MMP28: variants seen among roughly 807,000 people sequenced by gnomAD.
MMP28 encodes the protein matrix metalloproteinase-28.
Under a neutral mutation model 60.5 loss-of-function variants are expected in MMP28, and 55 were observed. The ratio of observed to expected loss-of-function variants is 0.91; its 90% confidence interval spans 0.73 to 1.14. The LOEUF is 1.14. Ranked by LOEUF, MMP28 falls within the 50% of genes most tolerant of loss-of-function variation. MMP28 has a pLI of 0.00. For missense variants in MMP28, 686 were observed against 738.3 expected, an observed-to-expected ratio of 0.93 and a Z score of 0.82; for synonymous variants, 318 against 312.5, an observed-to-expected ratio of 1.02 and a Z score of -0.18.
At position 35,794,727 on chromosome 17, in the gene MMP28, C is replaced by T. The variant is rs115952667; in HGVS notation, c.111+540G>A. ...AGTCCTGAAGCCCCGTTTAAAGCTC[C>T]TTAGAAGCAACTCTTGAGAGTATAC... On this transcript the variant is annotated intron_variant, in intron 1 of 7. Coordinates refer to ENST00000605424, the MANE Select transcript of MMP28 (RefSeq NM_024302.5). 3.6e-3 allele frequency among the ~76,000 whole-genome samples: 552 copies of T among 152,290 alleles called. 5 individuals carry two copies. Among genetic ancestry groups the T allele is most frequent in the African/African-American group, 0.012 (502 of 41,558 alleles).
intron 2 of MMP28, among the ~76,000 whole-genome samples, chr17:35,760,502 G>A (rs587670041): frequency 3.3e-5 from 5 of 152,314 alleles, no homozygotes; most frequent in African/African-American, 1.2e-4. Context: ...GAGGAAGACA[G>A]AATATAATGA....
downstream of MMP28, among the ~76,000 whole-genome samples, chr17:35,765,552 G>C (rs545144355): frequency 2.6e-5 from 4 of 152,352 alleles, no homozygotes; most frequent in East Asian, 7.7e-4. Context: ...CACTGTGAGA[G>C]CACAAGGCCA....
intron 1 of MMP28, among the ~76,000 whole-genome samples, chr17:35,788,684 T>C (rs1028906071): frequency 6.6e-6 from 1 of 152,108 alleles, no homozygotes; most frequent in South Asian, 2.1e-4. Context: ...GAAGCTCCAG[T>C]GTCTCCCTGG....
At chr17:35,779,424 G>C in intron 1 of MMP28, 101 bp from the exon 2 acceptor site, 1 of 967,864 alleles carries the variant, frequency 1.0e-6, no homozygotes, top group Non-Finnish European at 1.6e-6. Context: ...CTCACCTCTT[G>C]TCTTTTGCCC....
intron 1 of MMP28, among the ~76,000 whole-genome samples, chr17:35,785,052 C>A (rs2086609309): frequency 6.6e-6 from 1 of 152,168 alleles, no homozygotes; most frequent in Non-Finnish European, 1.5e-5. Context: ...CCTGGGGAGT[C>A]ACTTCTGAAA....
intron 3 of MMP28, among the ~76,000 whole-genome samples, chr17:35,775,389 C>T (rs926113777): frequency 2.0e-5 from 3 of 152,156 alleles, no homozygotes; most frequent in Non-Finnish European, 4.4e-5. Flanking sequence ...TTTGTGGTGA[C>T]CCCCAGGCCC....
intron 5 of MMP28, among the ~76,000 whole-genome samples, 157 bp from the exon 6 acceptor site, chr17:35,768,536 G>T (rs2086018024): frequency 6.6e-6 from 1 of 152,320 alleles, no homozygotes; most frequent in African/African-American, 2.4e-5. Flanking sequence ...CCTGGGCCAG[G>T]AATGGTGGTT....
At chr17:35,787,233 T>G (rs2086677500) in intron 1 of MMP28, among the ~76,000 whole-genome samples, 1 of 152,162 alleles carries the variant, frequency 6.6e-6, no homozygotes, top group South Asian at 2.1e-4. Context: ...GATCCTGTTT[T>G]CCATCACAGC....
chr17:35,767,399 C>A (rs2143173380), intron 7 of MMP28, among the ~76,000 whole-genome samples: 1 of 152,292 alleles, frequency 6.6e-6, no homozygotes, highest in South Asian at 2.1e-4. Context: ...TTGTTTTCCC[C>A]ATTCGAGAAA....
intron 2 of MMP28, among the ~76,000 whole-genome samples, chr17:35,759,150 T>C (rs2085773367): frequency 6.6e-6 from 1 of 152,220 alleles, no homozygotes; most frequent in African/African-American, 2.4e-5. Context: ...CTTTTGGTCA[T>C]TCTGTGAGGT....
intron 3 of MMP28, chr17:35,778,448 T>C (rs886312908): frequency 9.2e-6 from 2 of 218,060 alleles, no homozygotes; most frequent in Non-Finnish European, 1.8e-5. Context: ...GTAAATTGTA[T>C]GGGATGTGAA....
intron 1 of MMP28, among the ~76,000 whole-genome samples, chr17:35,784,925 C>T (rs1273868842): frequency 6.6e-6 from 1 of 152,186 alleles, no homozygotes; most frequent in Non-Finnish European, 1.5e-5. Context: ...GAGCCCAAGG[C>T]TTGAGCTGAA....
At chr17:35,775,089 G>A (rs2086286828) in intron 3 of MMP28, among the ~76,000 whole-genome samples, 1 of 152,212 alleles carries the variant, frequency 6.6e-6, no homozygotes, top group Non-Finnish European at 1.5e-5. Context: ...GGCCGCCAGT[G>A]AAGGTGACAG....
intron 1 of MMP28, among the ~76,000 whole-genome samples, chr17:35,786,697 T>TAAAAAAAAAA (rs1406141593): frequency 1.2e-5 from 1 of 80,124 alleles, no homozygotes. Context: ...ATCCTGTCTC[T>TAAAAAAAAAA]ACAAAAAAAA....
chr17:35,781,418 T>C (rs993836912), intron 1 of MMP28, among the ~76,000 whole-genome samples: 1 of 152,188 alleles, frequency 6.6e-6, no homozygotes, highest in African/African-American at 2.4e-5. Flanking sequence ...TATTTCAGCA[T>C]GTAGGTGATA....
intron 1 of MMP28, among the ~76,000 whole-genome samples, chr17:35,787,460 CT>C (rs781596187): frequency 9.9e-5 from 15 of 152,010 alleles, no homozygotes; most frequent in Non-Finnish European, 2.2e-4. Flanking sequence ...TTTTCTCCTT[CT>C]TTCTTTTGTC....
intron 2 of MMP28, chr17:35,760,795 G>A: frequency 1.1e-6 from 1 of 887,626 alleles, no homozygotes. Flanking sequence ...TTATTCCTGG[G>A]CAGAGCCTTA....
chr17:35,771,705 A>G (rs2086150785), intron 4 of MMP28, among the ~76,000 whole-genome samples: 1 of 16,414 alleles, frequency 6.1e-5, no homozygotes, highest in African/African-American at 3.5e-4. Context: ...GAATATATAT[A>G]TATATATATA....
At position 35,767,929 on chromosome 17, in the gene MMP28, G is replaced by A; in HGVS notation, c.1001-10C>T. ...AGTTGCTGTTGCCTGTCTGCCCAGA[G>A]ACAAGAGAGAGTTGAGGAGTGACCA... On this transcript the variant is annotated splice_polypyrimidine_tract_variant and intron_variant, in intron 6 of 7. Transcript: ENST00000605424. 1.3e-6 allele frequency: 2 copies of A among 1,566,016 alleles called. No homozygotes were observed. The highest frequency in any genetic ancestry group is 8.7e-7 in the Non-Finnish European group (1 of 1,155,960).
Sources: gnomAD v4.1 joint callset for allele counts (sites outside exome capture counted in the v4.1 genomes callset) on GRCh38, gnomAD v4.1.1 for gene constraint, MANE v1.5 for transcripts, NCBI Gene and HGNC (gene_info 2026-07-23, HGNC 2026-07-21) for gene names.